Variants in BCL6 observed in about 807,000 individuals in gnomAD.
The protein encoded by BCL6 is B-cell lymphoma 6 protein.
BCL6 carries 7 observed loss-of-function variants against 59.5 expected under a neutral mutation model. That is an observed-to-expected ratio of 0.12 (90% CI 0.07 to 0.22). BCL6 has a LOEUF of 0.22. Among genes scored for constraint, BCL6 ranks in the 10% least tolerant of loss-of-function variants. The probability of loss-of-function intolerance (pLI) is 1.00; values close to 1 mark genes in which losing one functional copy is unlikely to be tolerated. For missense variants in BCL6, 685 were observed against 939.4 expected, an observed-to-expected ratio of 0.73 and a Z score of 3.54; for synonymous variants, 339 against 349.7, an observed-to-expected ratio of 0.97 and a Z score of 0.34.
rs560485265 is a variant in BCL6, at chr3:187,725,476, G to A, written c.1839+23C>T. On this transcript the variant is annotated intron_variant, in intron 8 of 9. Coordinates refer to ENST00000406870, the MANE Select transcript of BCL6 (RefSeq NM_001706.5). This position sits in a 1 kb window ranked among gnomAD's most constrained non-coding sequence, Gnocchi z 4.7. The stretch of plus-strand genomic sequence containing the variant: ...CCCGCTCCGCTCGCCTGCCCGCTCC[G>A]CTCGCCTGCCCACTCTGCTCACCTG... 3.7e-5 allele frequency: 46 copies of A among 1,240,020 alleles called. No individual in the cohort carries two copies. The Middle Eastern group carries it at 6.6e-4, about 18-fold the overall frequency. The allele number at this position is 1,240,020 out of a possible 1,614,324, so 76.8% of individuals were successfully genotyped here. A position where few individuals can be genotyped will look rare whatever the true frequency, so the allele number is the denominator to read the frequency against.
chr3:187,735,934 G>A (rs1043732378), intron 1 of BCL6, among the ~76,000 whole-genome samples: 6 of 152,036 alleles, frequency 3.9e-5, no homozygotes, highest in Admixed American at 2.0e-4. Flanking sequence ...TTGGTGACCC[G>A]GCCCTAGGTC....
intron 1 of BCL6, among the ~76,000 whole-genome samples, chr3:187,744,744 AGGG>A (rs1711815247): frequency 6.6e-6 from 1 of 152,090 alleles, no homozygotes; most frequent in Admixed American, 6.5e-5. Flanking sequence ...CCAGAAGGAC[AGGG>A]GAAGGGAAGG....
intron 1 of BCL6, among the ~76,000 whole-genome samples, chr3:187,743,362 G>C (rs975264193): frequency 6.6e-6 from 1 of 152,124 alleles, no homozygotes; most frequent in East Asian, 1.9e-4. Context: ...GGGGCGCGGA[G>C]TGGAGATTGG....
intron 3 of BCL6, among the ~76,000 whole-genome samples, chr3:187,732,990 A>C (rs1167897841): frequency 3.3e-5 from 5 of 152,222 alleles, no homozygotes; most frequent in Admixed American, 3.3e-4. Context: ...ACTACTAAAA[A>C]GATCCAGGAA....
intron 9 of BCL6, among the ~76,000 whole-genome samples, chr3:187,724,114 A>G (rs1718552852): frequency 6.6e-6 from 1 of 152,086 alleles, no homozygotes; most frequent in African/African-American, 2.4e-5. Flanking sequence ...ATGTAGGTTA[A>G]CCATTCATTG....
intron 1 of BCL6, among the ~76,000 whole-genome samples, chr3:187,740,827 C>G (rs539095648): frequency 6.6e-6 from 1 of 152,314 alleles, no homozygotes; most frequent in Admixed American, 6.5e-5. Flanking sequence ...TTTCTTAGTG[C>G]AAATAGATGC....
At chr3:187,744,777 G>A (rs1230193116) in intron 1 of BCL6, among the ~76,000 whole-genome samples, 1 of 151,778 alleles carries the variant, frequency 6.6e-6, no homozygotes, top group Non-Finnish European at 1.5e-5. Flanking sequence ...CGAGGAAAAA[G>A]AGGAGGGAGG....
At chr3:187,739,485 T>A (rs2108478149) in intron 1 of BCL6, among the ~76,000 whole-genome samples, 1 of 152,320 alleles carries the variant, frequency 6.6e-6, no homozygotes, top group South Asian at 2.1e-4. Flanking sequence ...GCGAATTTGA[T>A]AACGCGATGG....
chr3:187,742,936 G>A (rs1334886846), intron 1 of BCL6, among the ~76,000 whole-genome samples: 3 of 152,132 alleles, frequency 2.0e-5, no homozygotes, highest in African/African-American at 4.8e-5. Flanking sequence ...GCAGATTTAC[G>A]AGGTTCTGTT....
At chr3:187,726,316 A>T (rs1294819861) in intron 7 of BCL6, among the ~76,000 whole-genome samples, 5 of 152,232 alleles carry the variant, frequency 3.3e-5, no homozygotes. Context: ...GTAGATTTTA[A>T]ACAACAAGCA....
rs1491996 is a variant in BCL6, at chr3:187,730,221, T to G, written c.384-200A>C. Among the ~76,000 whole-genome samples, 151,295 of 152,344 alleles carry G rather than the reference T, an allele frequency of 0.99. 75,137 individuals carry two copies. The highest frequency in any genetic ancestry group is 1 in the Middle Eastern group (294 of 294). ...CCAGCCTGAAATTGGGAAGACTGAG[T>G]CCCAGAGAAGGGAAGTGAGTTTCCG... is the stretch of plus-strand genomic sequence containing the variant. On this transcript the variant is annotated intron_variant, in intron 4 of 9. Coordinates refer to ENST00000406870, the MANE Select transcript of BCL6 (RefSeq NM_001706.5).
intron 1 of BCL6, among the ~76,000 whole-genome samples, chr3:187,739,450 G>A (rs970525978): frequency 6.6e-6 from 1 of 152,192 alleles, no homozygotes; most frequent in Admixed American, 6.5e-5. Flanking sequence ...GAACGGGAGG[G>A]TGCAGGAGAC....
chr3:187,728,611 G>GAGGAGGCT, intron 5 of BCL6, 67 bp from the exon 6 acceptor site: 1 of 1,489,412 alleles, frequency 6.7e-7, no homozygotes, highest in Non-Finnish European at 9.0e-7. Flanking sequence ...TCTCCTCCCT[G>GAGGAGGCT]TGTGTAGGCA....
At chr3:187,738,491 G>A (rs1383566896) in intron 1 of BCL6, among the ~76,000 whole-genome samples, 1 of 152,208 alleles carries the variant, frequency 6.6e-6, no homozygotes, top group Non-Finnish European at 1.5e-5. Flanking sequence ...CGATTTCCCC[G>A]AAACCGTAGA....
At chr3:187,742,541 A>T (rs1711645243) in intron 1 of BCL6, among the ~76,000 whole-genome samples, 1 of 152,186 alleles carries the variant, frequency 6.6e-6, no homozygotes, top group African/African-American at 2.4e-5. Flanking sequence ...AACAGCATCT[A>T]GCCTTACTGT....
rs770432763 is a variant in BCL6, at chr3:187,728,437, A to G, written c.1463T>C (p.Met488Thr). Reference sequence around the variant, plus strand: ...CGTGGGGCCAGCGGTGTGGAGGCACATCTCTGCATGCTGTGGGGACTGAGA... The same window carrying G: ...CGTGGGGCCAGCGGTGTGGAGGCACGTCTCTGCATGCTGTGGGGACTGAGA... The part of the protein sequence containing the change: ...CGSQSPQHAE[M>T]CLHTAGPTFP... The change falls in exon 6 of 10, where the codon ATG (methionine) becomes ACG (threonine). Residue 488 changes from methionine to threonine, a missense_variant. Physicochemically the swap from Met to Thr is moderately conservative, Grantham distance 81 (BLOSUM62 -1). Around this residue, in one of 7 missense-constraint regions of BCL6, gnomAD observed 207 missense variants for 213.7 expected, o/e 0.97. Coordinates refer to ENST00000406870, the MANE Select transcript of BCL6 (RefSeq NM_001706.5). 4.3e-6 allele frequency: 7 copies of G among 1,612,796 alleles called. No homozygotes were observed. The highest frequency in any genetic ancestry group is 5.9e-6 in the Non-Finnish European group (7 of 1,179,656).
chr3:187,733,460 G>A, intron 3 of BCL6, 73 bp downstream of exon 3: 4 of 1,544,334 alleles, frequency 2.6e-6, no homozygotes, highest in South Asian at 1.2e-5. Context: ...AGGCCCACAT[G>A]TTCTGCCTTG....
intron 1 of BCL6, among the ~76,000 whole-genome samples, chr3:187,744,523 G>C (rs1576885067): frequency 6.6e-6 from 1 of 152,266 alleles, no homozygotes; most frequent in Non-Finnish European, 1.5e-5. Context: ...GAAGATCACG[G>C]CTCTGAAAGG....
intron 4 of BCL6, among the ~76,000 whole-genome samples, chr3:187,730,723 G>C (rs536247347): frequency 6.6e-6 from 1 of 152,192 alleles, no homozygotes; most frequent in Non-Finnish European, 1.5e-5. Flanking sequence ...TGACAGCAAT[G>C]ATGATCTTGC....
Sources: allele counts gnomAD v4.1 joint callset (sites outside exome capture counted in the v4.1 genomes callset), GRCh38; gene constraint gnomAD v4.1.1; regional missense constraint gnomAD v4.1.1; non-coding constraint Gnocchi (gnomAD v3.1); transcripts MANE v1.5; gene names NCBI Gene and HGNC (gene_info 2026-07-23, HGNC 2026-07-21).